Variants in UBE2E2 observed in about 807,000 individuals in gnomAD.
The protein encoded by UBE2E2 is ubiquitin-conjugating enzyme E2 E2.
Under a neutral mutation model 24.7 loss-of-function variants are expected in UBE2E2, and 6 were observed. The ratio of observed to expected loss-of-function variants is 0.24; its 90% CI spans 0.13 to 0.48. UBE2E2 has a LOEUF of 0.48. UBE2E2 is among the 20% of genes least tolerant of loss of function. The pLI, the probability that UBE2E2 is intolerant of heterozygous loss-of-function variation, is 0.99. For synonymous variants in UBE2E2, 104 were observed against 83.6 expected (o/e 1.24, Z -1.33); for missense variants, 169 against 245.0 (o/e 0.69, Z 2.07).
chr3:23,290,730 A>G (rs993194755), intron 3 of UBE2E2, among the ~76,000 whole-genome samples: 10 of 151,678 alleles, frequency 6.6e-5, no homozygotes, highest in Admixed American at 1.3e-4. Flanking sequence ...AAAAATATCA[A>G]ATTTTATTAT....
chr3:23,429,594 C>T (rs1465180538), intron 3 of UBE2E2, among the ~76,000 whole-genome samples: 1 of 152,132 alleles, frequency 6.6e-6, no homozygotes, highest in Non-Finnish European at 1.5e-5. Context: ...ATGATAAAGA[C>T]TTGGTAAACT....
chr3:23,479,643 G>A (rs1699212152), intron 3 of UBE2E2, among the ~76,000 whole-genome samples: 1 of 152,142 alleles, frequency 6.6e-6, no homozygotes, highest in Non-Finnish European at 1.5e-5. Context: ...ATGAGATTCG[G>A]ACAACTGGAG....
chr3:23,454,455 T>C (rs1698630827), intron 3 of UBE2E2, among the ~76,000 whole-genome samples: 1 of 152,212 alleles, frequency 6.6e-6, no homozygotes, highest in Non-Finnish European at 1.5e-5. Flanking sequence ...ATCTACCTGC[T>C]GAAGTCTGAT....
intron 3 of UBE2E2, among the ~76,000 whole-genome samples, chr3:23,424,095 G>C (rs1034735089): frequency 3.3e-5 from 5 of 152,164 alleles, no homozygotes; most frequent in African/African-American, 7.2e-5. Context: ...GGAAAGGTAA[G>C]TAATGTTTGA....
intron 3 of UBE2E2, among the ~76,000 whole-genome samples, chr3:23,272,560 G>C (rs150242876): frequency 7.4e-4 from 113 of 152,346 alleles, no homozygotes; most frequent in African/African-American, 2.2e-3. Context: ...TCACCTCTCA[G>C]TATGAGTGTG....
intron 2 of UBE2E2, among the ~76,000 whole-genome samples, chr3:23,209,881 G>T (rs923996): frequency 6.6e-6 from 1 of 151,894 alleles, no homozygotes; most frequent in East Asian, 1.9e-4. Flanking sequence ...TTTCCCTTTC[G>T]TGGGGGTGTA....
In UBE2E2 at chr3:23,474,102, C is replaced by T. The variant is rs1365669039; in HGVS notation, c.228-25506C>T. On this transcript the variant is annotated intron_variant, in intron 3 of 5. Coordinates refer to ENST00000396703, the MANE Select transcript of UBE2E2 (RefSeq NM_152653.4). This position sits in a 1 kb window ranked among gnomAD's most constrained non-coding sequence, Gnocchi z 4.0. ...TTTTTTTGCGGGAGTAAGATGGTAT[C>T]GCATTGTGGTTTTGATTTGCATTTC... Among the ~76,000 whole-genome samples the T allele has an allele frequency of 3.3e-5, 5 of 152,020 alleles. No homozygotes were observed. In the South Asian group the frequency reaches 6.2e-4, roughly 19 times the overall value.
rs572542324 is a variant in UBE2E2 at position 23,577,151 on chromosome 3, A to G, written c.509-12583A>G. Reference sequence around the variant, plus strand: ...AGTGTTCAAGTGAAAGGAAGAGTCAAATGTCTCTCACTTTAAATTGAAAGA... The same window carrying G: ...AGTGTTCAAGTGAAAGGAAGAGTCAGATGTCTCTCACTTTAAATTGAAAGA... On this transcript the variant is annotated intron_variant, in intron 5 of 5. Coordinates refer to ENST00000396703, the MANE Select transcript of UBE2E2 (RefSeq NM_152653.4). Among the ~76,000 whole-genome samples the G allele has an allele frequency of 2.1e-3, 326 of 152,226 alleles. 1 individual carries two copies. Among genetic ancestry groups the G allele is most frequent in the Non-Finnish European group, 3.5e-3 (238 of 67,996 alleles).
At chr3:23,524,865 G>C (rs4025924) in intron 4 of UBE2E2, among the ~76,000 whole-genome samples, 1,538 of 147,508 alleles carry the variant, frequency 0.01, 10 homozygotes, top group Non-Finnish European at 0.015. Context: ...CAGACACACA[G>C]ACACACACAC....
chr3:23,296,967 C>T (rs1311104243), intron 3 of UBE2E2, among the ~76,000 whole-genome samples: 6 of 152,130 alleles, frequency 3.9e-5, no homozygotes, highest in Non-Finnish European at 8.8e-5. Context: ...CTCTCCAGCA[C>T]CTGTTGTTTC....
At chr3:23,552,654 G>A (rs60028742) in intron 5 of UBE2E2, among the ~76,000 whole-genome samples, 3 of 152,070 alleles carry the variant, frequency 2.0e-5, no homozygotes, top group African/African-American at 4.8e-5. Flanking sequence ...TGTACAATCA[G>A]CTTCTTTACA....
chr3:23,341,473 T>C (rs1695386238), intron 3 of UBE2E2, among the ~76,000 whole-genome samples: 1 of 152,170 alleles, frequency 6.6e-6, no homozygotes, highest in Non-Finnish European at 1.5e-5. Context: ...AAATACAGTA[T>C]ATGTTTTTCT....
chr3:23,533,248 C>A lies in UBE2E2; in HGVS notation c.508+547C>A, dbSNP rs1001548404. On this transcript the variant is annotated intron_variant, in intron 5 of 5. Coordinates refer to ENST00000396703, the MANE Select transcript of UBE2E2 (RefSeq NM_152653.4). ...GAAAACGAAAAAGTCTATAGCCAGG[C>A]CTTTATGGCTTGCTGGTGTGCTTAC... Among the ~76,000 whole-genome samples the A allele has an allele frequency of 9.2e-5, 14 of 152,268 alleles. No individual in the cohort carries two copies. In the East Asian group the frequency reaches 2.1e-3, roughly 23 times the overall value.
chr3:23,461,202 C>T (rs1698798014), intron 3 of UBE2E2, among the ~76,000 whole-genome samples: 1 of 152,004 alleles, frequency 6.6e-6, no homozygotes, highest in Admixed American at 6.5e-5. Context: ...TCTCGGTGAC[C>T]TCATATAGAT....
At chr3:23,511,521 G>T (rs974320339) in intron 4 of UBE2E2, among the ~76,000 whole-genome samples, 1 of 152,164 alleles carries the variant, frequency 6.6e-6, no homozygotes, top group Non-Finnish European at 1.5e-5. Flanking sequence ...TGAGCTAGAG[G>T]TACTGATTTG....
chr3:23,547,409 T>G (rs1401662839), intron 5 of UBE2E2, among the ~76,000 whole-genome samples: 1 of 152,224 alleles, frequency 6.6e-6, no homozygotes, highest in African/African-American at 2.4e-5. Flanking sequence ...TTCTCTTAGT[T>G]CTTCACCAGT....
rs138522681 is a variant in UBE2E2, at chr3:23,555,125, C to G, written c.508+22424C>G. Among the ~76,000 whole-genome samples, 741 of 152,176 alleles carry G rather than the reference C, an allele frequency of 4.9e-3. 9 individuals carry two copies. Among genetic ancestry groups the G allele is most frequent in the African/African-American group, 0.017 (708 of 41,514 alleles). ...AGAGATAGGATTTCACCATGTTGGC[C>G]AGTCTGGTCTTGAACTCCCGACCTC... is the stretch of plus-strand genomic sequence containing the variant. On this transcript the variant is annotated intron_variant, in intron 5 of 5. Coordinates refer to ENST00000396703, the MANE Select transcript of UBE2E2 (RefSeq NM_152653.4).
At chr3:23,237,515 A>AT (rs1402750172) in intron 3 of UBE2E2, among the ~76,000 whole-genome samples, 2 of 152,156 alleles carry the variant, frequency 1.3e-5, no homozygotes, top group Non-Finnish European at 2.9e-5. Context: ...CTGGGCTGGT[A>AT]TTAGTAAAAG....
intron 3 of UBE2E2, among the ~76,000 whole-genome samples, chr3:23,464,514 A>G (rs1417123251): frequency 6.6e-6 from 1 of 152,184 alleles, no homozygotes; most frequent in Non-Finnish European, 1.5e-5. Flanking sequence ...ATATAAAGCT[A>G]TGCTTTAAGA....
Sources: allele counts gnomAD v4.1 joint callset (sites outside exome capture counted in the v4.1 genomes callset), GRCh38; gene constraint gnomAD v4.1.1; non-coding constraint Gnocchi (gnomAD v3.1); transcripts MANE v1.5; gene names NCBI Gene and HGNC (gene_info 2026-07-23, HGNC 2026-07-21).